Variants in TJP2 observed in about 807,000 individuals in gnomAD.
The protein encoded by TJP2 is tight junction protein 2, also known as Friedreich ataxia region gene X104 (tight junction protein ZO-2).
Under a neutral mutation model 133.1 loss-of-function variants are expected in TJP2, and 91 were observed. That is an observed-to-expected ratio of 0.68 (90% CI 0.58 to 0.81). TJP2 has a LOEUF of 0.81. Ranked by LOEUF, TJP2 falls within the 40% of genes least tolerant of loss-of-function variation. TJP2 has a pLI of 0.00. For missense variants in TJP2, 1,541 were observed against 1,565.6 expected, an observed-to-expected ratio of 0.98 and a Z score of 0.26; for synonymous variants, 592 against 583.4, an observed-to-expected ratio of 1.01 and a Z score of -0.21.
chr9:69,254,271 A>G lies in TJP2; in HGVS notation c.3470A>G (p.Tyr1157Cys), dbSNP rs747924605. ...CCTTATCAGGATACCAGAGGAAGTT[A>G]TGGCAGTGATGCCGAGGAGGAGGAG... ...SRPYQDTRGS[Y>C]GSDAEEEEYR... Residue 1157 changes from tyrosine to cysteine, a missense_variant, in exon 23 of 23, where the codon TAT becomes TGT. Physicochemically the swap from Tyr to Cys is radical, Grantham distance 194. Coordinates refer to ENST00000377245, the MANE Select transcript of TJP2 (RefSeq NM_004817.4). 1.4e-5 allele frequency: 23 copies of G among 1,614,124 alleles called. No individual in the cohort carries two copies. Among genetic ancestry groups the G allele is most frequent in the Non-Finnish European group, 1.9e-5 (23 of 1,180,048 alleles).
intron 17 of TJP2, among the ~76,000 whole-genome samples, chr9:69,243,790 A>G (rs1264781850): frequency 6.6e-6 from 1 of 152,214 alleles, no homozygotes; most frequent in Non-Finnish European, 1.5e-5. Context: ...TTGCTGTTGC[A>G]TGCCCATTTA....
At chr9:69,254,151 G>A (rs907457613) in intron 22 of TJP2, 58 bp from the exon 23 acceptor site, 13 of 1,603,026 alleles carry the variant, frequency 8.1e-6, no homozygotes, top group African/African-American at 2.7e-5. Flanking sequence ...ATGCCTCCCC[G>A]GGCAGCCGGA....
intron 9 of TJP2, 75 bp from the exon 10 acceptor site, chr9:69,229,109 T>G: frequency 7.2e-7 from 1 of 1,388,996 alleles, no homozygotes; most frequent in Non-Finnish European, 1.0e-6. Flanking sequence ...TTTTTGTGGA[T>G]TTTGTGATTT....
chr9:69,159,358 C>T (rs992121994), intron 2 of TJP2, among the ~76,000 whole-genome samples: 2 of 151,220 alleles, frequency 1.3e-5, no homozygotes, highest in African/African-American at 4.9e-5. Context: ...AAAATATATA[C>T]AATTTTTATT....
upstream of TJP2, among the ~76,000 whole-genome samples, chr9:69,171,080 A>G (rs1487969329): frequency 3.3e-5 from 5 of 152,136 alleles, no homozygotes; most frequent in South Asian, 2.1e-4. Context: ...AACTAAACTC[A>G]TCATCTTTCT....
intron 2 of TJP2, among the ~76,000 whole-genome samples, chr9:69,161,550 TG>T (rs1479029837): frequency 6.6e-6 from 1 of 152,022 alleles, no homozygotes; most frequent in Admixed American, 6.6e-5. Context: ...ATCTACATTT[TG>T]GGGCAGAGTA....
At chr9:69,171,247 A>G (rs1824664029), upstream of TJP2, among the ~76,000 whole-genome samples, 1 of 152,076 alleles carries the variant, frequency 6.6e-6, no homozygotes. Flanking sequence ...CAGCCTGCTG[A>G]TCTACTTCCT....
intron 21 of TJP2, 70 bp downstream of exon 21, chr9:69,251,434 C>T (rs1831324268): frequency 1.3e-6 from 2 of 1,495,908 alleles, no homozygotes; most frequent in African/African-American, 2.8e-5. Flanking sequence ...TAACAGCGAA[C>T]AGCCCCTTTG....
At chr9:69,151,207 C>T (rs370451260) in intron 1 of TJP2, among the ~76,000 whole-genome samples, 16 of 152,180 alleles carry the variant, frequency 1.1e-4, no homozygotes, top group South Asian at 4.2e-4. Flanking sequence ...GTGGGCCGGG[C>T]GCAGTGGCTG....
At chr9:69,166,788 T>C (rs1207764525) in intron 2 of TJP2, among the ~76,000 whole-genome samples, 1 of 152,020 alleles carries the variant, frequency 6.6e-6, no homozygotes, top group East Asian at 1.9e-4. Context: ...TTTTAAAAAA[T>C]TAGCCAGGCC....
rs1015581988 is a variant in TJP2, at chr9:69,246,761, G to A, written c.2638G>A (p.Gly880Arg). ...AAAGGACACTATTCAGCATCAGCAA[G>A]GAGAAGCGGTTTGGGTCTCTGAAGG... ...SLKDTIQHQQ[G>R]EAVWVSEGKM... Residue 880 changes from glycine to arginine, a missense_variant, in exon 18 of 23, where the codon GGA becomes AGA. Physicochemically the swap from Gly to Arg is moderately radical, Grantham distance 125 (BLOSUM62 -2). Transcript: ENST00000377245. The A allele has an allele frequency of 1.2e-6, 2 of 1,614,026 alleles. No homozygotes were observed. The highest frequency in any genetic ancestry group is 2.7e-5 in the African/African-American group (2 of 74,920).
At chr9:69,142,182 C>T (rs1473677390) in intron 1 of TJP2, among the ~76,000 whole-genome samples, 1 of 152,122 alleles carries the variant, frequency 6.6e-6, no homozygotes, top group African/African-American at 2.4e-5. Flanking sequence ...GGGTTATTTC[C>T]AATAGATACT....
chr9:69,199,030 T>C (rs1826798703), intron 1 of TJP2, among the ~76,000 whole-genome samples: 1 of 152,236 alleles, frequency 6.6e-6, no homozygotes, highest in South Asian at 2.1e-4. Context: ...ATTAGACAGC[T>C]GTTTCAAAGT....
chr9:69,192,464 A>G (rs928506246), intron 1 of TJP2, among the ~76,000 whole-genome samples: 2 of 152,062 alleles, frequency 1.3e-5, no homozygotes, highest in African/African-American at 4.8e-5. Context: ...TGTGTTTGAC[A>G]TTGTCTGTCT....
Position 69,221,382 on chromosome 9 carries a change from CG to C in TJP2, c.842del (p.Gly281AspfsTer30). On this transcript the variant is annotated frameshift_variant, in exon 5 of 23. Coordinates refer to ENST00000377245, the MANE Select transcript of TJP2 (RefSeq NM_004817.4). LOFTEE classifies it high-confidence loss of function. ...RRGARHDARS[R>X]GPRSRSREHP... is the part of the protein sequence containing the mutation. ...CGGGGCCCGCCACGATGCCCGCTCT[CG>C]GGGACCCCGAAGCCGCAGCCGCGAG... The C allele has an allele frequency of 6.3e-7, 1 of 1,581,168 alleles. No homozygotes were observed.
chr9:69,130,420 C>T (rs1390744221), intron 1 of TJP2, among the ~76,000 whole-genome samples: 4 of 152,174 alleles, frequency 2.6e-5, no homozygotes, highest in African/African-American at 9.7e-5. Context: ...TAGTTTGCAT[C>T]TGAACCATCT....
intron 1 of TJP2, among the ~76,000 whole-genome samples, chr9:69,174,828 G>A (rs1267537664): frequency 6.6e-6 from 1 of 152,002 alleles, no homozygotes; most frequent in Non-Finnish European, 1.5e-5. Context: ...GCTTGTGTAC[G>A]TGAGAGAAAC....
intron 1 of TJP2, among the ~76,000 whole-genome samples, chr9:69,211,401 G>GGTATCTATAATT (rs1164676882): frequency 6.6e-6 from 1 of 152,194 alleles, no homozygotes; most frequent in African/African-American, 2.4e-5. Flanking sequence ...ATTTTTGTCT[G>GGTATCTATAATT]TGGCTGGTAT....
chr9:69,174,160 C>T, upstream of TJP2: 1 of 1,274,330 alleles, frequency 7.8e-7, no homozygotes, highest in Non-Finnish European at 9.9e-7. Context: ...GGCCGGGCGG[C>T]CAGCGCGGAG....
Sources: gnomAD v4.1 joint callset for allele counts (sites outside exome capture counted in the v4.1 genomes callset) on GRCh38, gnomAD v4.1.1 for gene constraint, MANE v1.5 for transcripts, NCBI Gene and HGNC (gene_info 2026-07-23, HGNC 2026-07-21) for gene names.